Variants in NARS2 observed in about 807,000 individuals in gnomAD.
NARS2 encodes asparaginyl-tRNA synthetase.
A neutral mutation model predicts 62.9 loss-of-function variants in NARS2; 60 were observed. That is an observed-to-expected ratio of 0.95 (90% CI 0.77 to 1.18). The LOEUF (loss-of-function observed/expected upper bound fraction) is 1.18, where lower values mean the gene tolerates loss of function less well. NARS2 is among the 50% of genes most tolerant of loss of function. NARS2 has a pLI of 0.00. For synonymous variants in NARS2, 196 were observed against 200.0 expected (o/e 0.98, Z 0.17); for missense variants, 619 against 576.4 (o/e 1.07, Z -0.76).
intron 6 of NARS2, among the ~76,000 whole-genome samples, chr11:78,511,976 TA>T (rs1353165889): frequency 6.6e-6 from 1 of 152,176 alleles, no homozygotes; most frequent in Non-Finnish European, 1.5e-5. Flanking sequence ...AACTATTGTA[TA>T]AAAGCAGAAG....
At chr11:78,502,645 T>A (rs1288650713) in intron 6 of NARS2, among the ~76,000 whole-genome samples, 1 of 152,176 alleles carries the variant, frequency 6.6e-6, no homozygotes, top group Non-Finnish European at 1.5e-5. Context: ...TTGTACAATG[T>A]CACTAATGGT....
chr11:78,444,722 C>A (rs11237496), intron 11 of NARS2, among the ~76,000 whole-genome samples: 45,667 of 102,604 alleles, frequency 0.45, 9,515 homozygotes, highest in African/African-American at 0.65. Context: ...CTGTCTCAAA[C>A]AAAACAAAAA....
intron 6 of NARS2, among the ~76,000 whole-genome samples, chr11:78,527,180 C>G (rs1279042470): frequency 6.6e-6 from 1 of 152,198 alleles, no homozygotes; most frequent in Admixed American, 6.5e-5. Context: ...TGACCTAGCA[C>G]TCTTATTCCA....
intron 6 of NARS2, among the ~76,000 whole-genome samples, chr11:78,507,974 A>T (rs1860568651): frequency 6.6e-6 from 1 of 152,254 alleles, no homozygotes; most frequent in African/African-American, 2.4e-5. Flanking sequence ...AAAGACACTT[A>T]AAGAACTAGA....
chr11:78,448,352 T>C (rs922431820), intron 11 of NARS2, among the ~76,000 whole-genome samples: 1 of 151,330 alleles, frequency 6.6e-6, no homozygotes, highest in Non-Finnish European at 1.5e-5. Flanking sequence ...ACTCTCGCTC[T>C]GTAGGCCAGG....
chr11:78,485,247 C>T (rs1859521162), intron 7 of NARS2, among the ~76,000 whole-genome samples: 1 of 148,180 alleles, frequency 6.7e-6, no homozygotes, highest in Non-Finnish European at 1.5e-5. Context: ...GGATGGGGGA[C>T]AAGGGGAGGG....
intron 5 of NARS2, among the ~76,000 whole-genome samples, chr11:78,550,145 C>T (rs1418117261): frequency 6.6e-6 from 1 of 152,168 alleles, no homozygotes; most frequent in East Asian, 1.9e-4. Flanking sequence ...AGTTATCTGG[C>T]ATTCCTAGAA....
At chr11:78,438,294 T>A (rs7121283) in intron 13 of NARS2, among the ~76,000 whole-genome samples, 50,237 of 151,938 alleles carry the variant, frequency 0.33, 10,598 homozygotes, top group African/African-American at 0.59. Flanking sequence ...AGATTAGTAA[T>A]AACTATAAGA....
chr11:78,468,310 G>GAA (rs764254167), intron 10 of NARS2, among the ~76,000 whole-genome samples: 130 of 67,400 alleles, frequency 1.9e-3, no homozygotes, highest in Middle Eastern at 7.7e-3. Context: ...CACTAAATCT[G>GAA]AAAAAAAAAA....
At chr11:78,489,387 AC>A (rs1350456614) in intron 7 of NARS2, among the ~76,000 whole-genome samples, 1 of 152,198 alleles carries the variant, frequency 6.6e-6, no homozygotes, top group Admixed American at 6.5e-5. Context: ...ACAAAGAGAT[AC>A]TAATACACAG....
At chr11:78,551,872 C>CA (rs372292006) in intron 5 of NARS2, among the ~76,000 whole-genome samples, 40 of 151,352 alleles carry the variant, frequency 2.6e-4, no homozygotes, top group South Asian at 1.0e-3. Flanking sequence ...AAAAAACAAA[C>CA]AAAAAAAACC....
At chr11:78,493,268 C>T (rs565518525) in intron 6 of NARS2, 73 bp from the exon 7 acceptor site, 2 of 1,446,030 alleles carry the variant, frequency 1.4e-6, no homozygotes, top group South Asian at 1.2e-5. Context: ...ATTCAGTGAG[C>T]TCTTACGGAA....
intron 11 of NARS2, among the ~76,000 whole-genome samples, chr11:78,450,868 G>T (rs968959336): frequency 2.0e-5 from 3 of 150,004 alleles, no homozygotes; most frequent in Non-Finnish European, 4.4e-5. Context: ...TTGTAGTAGA[G>T]ATGGGGTTTC....
At chr11:78,564,394 T>A (rs1856669544) in intron 4 of NARS2, among the ~76,000 whole-genome samples, 1 of 152,012 alleles carries the variant, frequency 6.6e-6, no homozygotes, top group Non-Finnish European at 1.5e-5. Context: ...TCTCACTATG[T>A]TGCCTAGGCT....
chr11:78,543,657 C>T (rs1169598085), intron 5 of NARS2, among the ~76,000 whole-genome samples: 2 of 152,078 alleles, frequency 1.3e-5, no homozygotes, highest in Admixed American at 1.3e-4. Flanking sequence ...TGGGAAAATA[C>T]ACAGCAGGAA....
chr11:78,485,529 T>C (rs1443235374), intron 7 of NARS2, among the ~76,000 whole-genome samples: 1 of 152,160 alleles, frequency 6.6e-6, no homozygotes, highest in Non-Finnish European at 1.5e-5. Flanking sequence ...TGAATTTTAG[T>C]TCCATTTTTA....
intron 6 of NARS2, among the ~76,000 whole-genome samples, chr11:78,508,592 A>AC (rs1316094904): frequency 1.2e-5 from 1 of 82,736 alleles, no homozygotes; most frequent in East Asian, 2.9e-4. Flanking sequence ...CATCTCAAAA[A>AC]AAAAAAACAA....
intron 11 of NARS2, among the ~76,000 whole-genome samples, chr11:78,445,519 G>A (rs1017590086): frequency 6.6e-6 from 1 of 152,198 alleles, no homozygotes; most frequent in African/African-American, 2.4e-5. Context: ...TGTTCTGGAG[G>A]CTGAGGCACG....
At chr11:78,449,775 T>C (rs1591130506) in intron 11 of NARS2, among the ~76,000 whole-genome samples, 1 of 152,180 alleles carries the variant, frequency 6.6e-6, no homozygotes, top group Non-Finnish European at 1.5e-5. Context: ...AGGCCAGTTA[T>C]ACTCCCCTTG....
Sources: allele counts gnomAD v4.1 joint callset (sites outside exome capture counted in the v4.1 genomes callset), GRCh38; gene constraint gnomAD v4.1.1; transcripts MANE v1.5; gene names NCBI Gene and HGNC (gene_info 2026-07-23, HGNC 2026-07-21).